Variants in RGPD1 observed in about 807,000 individuals in gnomAD.
RGPD1 encodes RANBP2-like and GRIP domain-containing protein 1.
RGPD1 carries 7 observed loss-of-function variants against 40.6 expected under a neutral mutation model. The observed-to-expected ratio is 0.17, with a 90% CI of 0.10 to 0.32. RGPD1 has a LOEUF of 0.32. RGPD1 is among the 10% of genes least tolerant of loss of function. The pLI is 1.00. For synonymous variants in RGPD1, 24 were observed against 167.0 expected (o/e 0.14, Z 6.60); for missense variants, 50 against 472.5 (o/e 0.11, Z 8.29).
chr2:86,960,283 A>G (rs1680882459), intron 6 of RGPD1, among the ~76,000 whole-genome samples: 1 of 64,518 alleles, frequency 1.5e-5, no homozygotes, highest in Admixed American at 1.3e-4. Context: ...ATCAGGACTC[A>G]TGGGCCCTTT....
chr2:86,935,955 ATAAT>A (rs1238484032), intron 1 of RGPD1, among the ~76,000 whole-genome samples: 4 of 144,804 alleles, frequency 2.8e-5, no homozygotes, highest in East Asian at 2.0e-4. Flanking sequence ...ATGGGGGCAG[ATAAT>A]TAATAATTAT....
rs1158180661 is a variant in RGPD1 at position 86,988,460 on chromosome 2, CAAAAA to C, written c.4900+664_4900+668del. Among the ~76,000 whole-genome samples, 8 of 72,134 alleles carry C rather than the reference CAAAAA, an allele frequency of 1.1e-4. 2 individuals carry two copies. The highest frequency in any genetic ancestry group is 2.0e-4 in the Non-Finnish European group (7 of 34,302). The allele number at this position is 72,134 out of a possible 152,430, so 47.3% of individuals were successfully genotyped here. ...TGTCTCCAAAAAAAAAAAAAAAAAA[CAAAAA>C]AACAAAAAAAACCATGATATTGAGA... is the stretch of plus-strand genomic sequence containing the variant. On this transcript the variant is annotated intron_variant, in intron 20 of 22. Transcript: ENST00000641458.
At chr2:86,956,767 G>T (rs1680758859) in intron 4 of RGPD1, among the ~76,000 whole-genome samples, 1 of 88,618 alleles carries the variant, frequency 1.1e-5, no homozygotes. Context: ...AGAAGAAAGT[G>T]TGTGTATATG....
chr2:86,934,357 C>CAA lies in RGPD1; in HGVS notation c.73-16924_73-16923dup, dbSNP rs575604991. ...TGGGAGACAGAGCGAGTCTCTGTCTCAAAAAAAAAAAAAAAATTCTCACTT... is the reference window on the plus strand; with the variant it reads ...TGGGAGACAGAGCGAGTCTCTGTCTCAAAAAAAAAAAAAAAAAATTCTCACTT... On this transcript the variant is annotated intron_variant, in intron 1 of 22. Coordinates refer to the RGPD1 transcript ENST00000398193. 5.8e-3 allele frequency: 555 copies of CAA among 96,190 alleles called. 5 individuals are homozygous for CAA. The highest frequency in any genetic ancestry group is 0.019 in the African/African-American group (512 of 27,108). The allele number at this position is 96,190 out of a possible 1,614,324, so 6.0% of individuals were successfully genotyped here.
intron 1 of RGPD1, among the ~76,000 whole-genome samples, chr2:86,918,500 C>T (rs1243404841): frequency 1.5e-5 from 2 of 133,144 alleles, no homozygotes; most frequent in Non-Finnish European, 3.0e-5. Flanking sequence ...TGCTCTGTCA[C>T]CTAGGCTGGA....
chr2:86,920,387 A>G (rs1465386421), intron 1 of RGPD1, among the ~76,000 whole-genome samples: 1 of 150,866 alleles, frequency 6.6e-6, no homozygotes, highest in Non-Finnish European at 1.5e-5. Context: ...CTAATTTTAA[A>G]CAATTGTATC....
chr2:86,941,249 T>C (rs1437544952), upstream of RGPD1, among the ~76,000 whole-genome samples: 3 of 150,154 alleles, frequency 2.0e-5, no homozygotes, highest in Non-Finnish European at 4.5e-5. Context: ...GATTTTAATA[T>C]CCAAATTCCC....
At chr2:86,924,397 C>T (rs1213484626) in intron 1 of RGPD1, among the ~76,000 whole-genome samples, 16 of 150,360 alleles carry the variant, frequency 1.1e-4, no homozygotes, top group Admixed American at 2.7e-4. Context: ...CTCAATAATC[C>T]GCCCATGTTG....
At chr2:86,955,934 G>T (rs1254031097) in intron 4 of RGPD1, among the ~76,000 whole-genome samples, 4 of 150,442 alleles carry the variant, frequency 2.7e-5, no homozygotes, top group African/African-American at 9.9e-5. Context: ...TTTTCTTGCA[G>T]TGTAACAAGT....
upstream of RGPD1, among the ~76,000 whole-genome samples, chr2:86,939,514 G>A (rs1679577117): frequency 6.9e-6 from 1 of 145,882 alleles, no homozygotes; most frequent in Non-Finnish European, 1.5e-5. Context: ...GGGAGGCAGA[G>A]GTTGCAATGA....
chr2:86,930,652 G>T, intron 1 of RGPD1: 1 of 1,611,304 alleles, frequency 6.2e-7, no homozygotes, highest in Non-Finnish European at 8.5e-7. Flanking sequence ...CAGAGGTAGG[G>T]CTGGTTGTTC....
chr2:87,000,139 C>A (rs1681922133), intron 22 of RGPD1, among the ~76,000 whole-genome samples: 1 of 118,648 alleles, frequency 8.4e-6, no homozygotes, highest in Non-Finnish European at 1.6e-5. Flanking sequence ...TTCTAGTCAC[C>A]TAAGAGTAAA....
chr2:86,915,009 A>G (rs1397017753), intron 1 of RGPD1, among the ~76,000 whole-genome samples: 2 of 149,742 alleles, frequency 1.3e-5, no homozygotes, highest in African/African-American at 2.4e-5. Context: ...ATATATGGAC[A>G]TGCCTGCTGG....
intron 1 of RGPD1, among the ~76,000 whole-genome samples, chr2:86,924,503 T>C (rs1573570245): frequency 6.6e-6 from 1 of 150,744 alleles, no homozygotes; most frequent in African/African-American, 2.4e-5. Context: ...GTGTCACTTT[T>C]TGCCTACGCC....
At chr2:86,941,796 C>T (rs1470030574), upstream of RGPD1, among the ~76,000 whole-genome samples, 1 of 150,272 alleles carries the variant, frequency 6.7e-6, no homozygotes, top group Non-Finnish European at 1.5e-5. Flanking sequence ...CTGCAACCCT[C>T]GCCTCTCAGT....
At chr2:87,000,209 A>G (rs1573651887) in intron 22 of RGPD1, among the ~76,000 whole-genome samples, 1 of 134,158 alleles carries the variant, frequency 7.5e-6, no homozygotes, top group East Asian at 2.0e-4. Flanking sequence ...TATAGTTATA[A>G]AATTAACCAG....
At chr2:86,913,844 G>A (rs1398508569) in exon 1 of RGPD1, 33 of 1,574,724 alleles carry the variant, frequency 2.1e-5, no homozygotes, top group Non-Finnish European at 2.6e-5. Context: ...CCAGGTTGGC[G>A]GTGCGATGAG....
At chr2:86,947,844 T>G (rs1680416666) in intron 1 of RGPD1, among the ~76,000 whole-genome samples, 1 of 117,634 alleles carries the variant, frequency 8.5e-6, no homozygotes, top group South Asian at 3.0e-4. Flanking sequence ...ATCGGTTTGT[T>G]GAGAACAGCA....
chr2:86,945,392 G>A (rs1045932271), intron 1 of RGPD1, among the ~76,000 whole-genome samples: 3 of 152,168 alleles, frequency 2.0e-5, no homozygotes, highest in Non-Finnish European at 2.9e-5. Context: ...TGGATAGAAG[G>A]TAAGGAATGG....
Sources: allele counts gnomAD v4.1 joint callset (sites outside exome capture counted in the v4.1 genomes callset), GRCh38; gene constraint gnomAD v4.1.1; transcripts MANE v1.5; gene names NCBI Gene and HGNC (gene_info 2026-07-23, HGNC 2026-07-21).